COL28A1: variants seen among roughly 807,000 people sequenced by gnomAD.
COL28A1 encodes collagen alpha-1(XXVIII) chain.
A neutral mutation model predicts 150.2 loss-of-function variants in COL28A1; 161 were observed. That is an observed-to-expected ratio of 1.07 (90% CI 0.94 to 1.22). The LOEUF (loss-of-function observed/expected upper bound fraction) is 1.22. Among genes scored for constraint, COL28A1 ranks in the 50% most tolerant of loss-of-function variants. The probability of loss-of-function intolerance (pLI) is 0.00; values close to 1 mark genes in which losing one functional copy is unlikely to be tolerated. For synonymous variants in COL28A1, 552 were observed against 469.7 expected, an observed-to-expected ratio of 1.18 and a Z score of -2.26; for missense variants, 1,617 against 1,388.3, an observed-to-expected ratio of 1.16 and a Z score of -2.62.
At chr7:7,375,934 A>G (rs1394642847) in intron 30 of COL28A1, among the ~76,000 whole-genome samples, 2 of 152,204 alleles carry the variant, frequency 1.3e-5, no homozygotes, top group African/African-American at 2.4e-5. Context: ...ACAAGCCGCA[A>G]TGCCTACAGA....
intron 33 of COL28A1, among the ~76,000 whole-genome samples, chr7:7,361,034 CAAT>C (rs1780625887): frequency 6.6e-6 from 1 of 152,216 alleles, no homozygotes; most frequent in Non-Finnish European, 1.5e-5. Context: ...TAGCAGAAGA[CAAT>C]AATACAGCTG....
chr7:7,492,586 TAA>T (rs869141497), intron 11 of COL28A1, among the ~76,000 whole-genome samples: 1 of 94,692 alleles, frequency 1.1e-5, no homozygotes. Context: ...CTCCGTCTGT[TAA>T]AAAAAAAAAA....
chr7:7,404,486 A>G (rs1783390429), intron 27 of COL28A1, among the ~76,000 whole-genome samples: 1 of 151,768 alleles, frequency 6.6e-6, no homozygotes, highest in Admixed American at 6.6e-5. Context: ...CTGCATCCAC[A>G]CTAGTCTCTT....
chr7:7,524,910 CA>C (rs1454117028), intron 3 of COL28A1, among the ~76,000 whole-genome samples: 2 of 152,118 alleles, frequency 1.3e-5, no homozygotes, highest in East Asian at 3.9e-4. Flanking sequence ...AGAATTTCAA[CA>C]GAAGCCAAAA....
intron 18 of COL28A1, among the ~76,000 whole-genome samples, chr7:7,451,776 CTAT>C (rs1380789768): frequency 1.3e-5 from 2 of 152,050 alleles, no homozygotes; most frequent in African/African-American, 4.8e-5. Context: ...AAAATGGCAG[CTAT>C]TATTACTATA....
At chr7:7,397,665 G>C (rs1164348408) in intron 27 of COL28A1, among the ~76,000 whole-genome samples, 1 of 152,312 alleles carries the variant, frequency 6.6e-6, no homozygotes, top group African/African-American at 2.4e-5. Flanking sequence ...TCTCAGGCGT[G>C]AGCTTCAACT....
At chr7:7,517,931 C>T (rs1433772621) in intron 6 of COL28A1, 94 bp from the exon 7 acceptor site, 7 of 1,532,770 alleles carry the variant, frequency 4.6e-6, no homozygotes, top group Non-Finnish European at 6.3e-6. Context: ...ATAGCTTAGC[C>T]CAATTAGGAA....
intron 33 of COL28A1, 122 bp from the exon 34 acceptor site, chr7:7,360,650 T>G: frequency 1.2e-6 from 1 of 809,932 alleles, no homozygotes; most frequent in Non-Finnish European, 1.9e-6. Context: ...TCTCTGATAC[T>G]AACTATTTCA....
At chr7:7,506,158 T>A (rs1457196029) in intron 10 of COL28A1, 91 bp from the exon 11 acceptor site, 1 of 794,810 alleles carries the variant, frequency 1.3e-6, no homozygotes, top group Admixed American at 1.8e-5. Context: ...ATCCTGGCGA[T>A]CGAAGTTAGA....
chr7:7,341,549 T>G, the COL28A1 span, among the ~76,000 whole-genome samples: 1 of 152,122 alleles, frequency 6.6e-6, no homozygotes, highest in African/African-American at 2.4e-5. Context: ...TAGCCAGGAC[T>G]ACAGGTGTGT....
At chr7:7,487,739 C>G (rs111508391) in intron 13 of COL28A1, among the ~76,000 whole-genome samples, 7 of 152,092 alleles carry the variant, frequency 4.6e-5, no homozygotes, top group Non-Finnish European at 7.4e-5. Flanking sequence ...TCTTCATAAG[C>G]GGGCAAAATC....
At chr7:7,503,063 C>A (rs1400252754) in intron 11 of COL28A1, among the ~76,000 whole-genome samples, 1 of 152,160 alleles carries the variant, frequency 6.6e-6, no homozygotes, top group Admixed American at 6.5e-5. Flanking sequence ...TTGTCCCTAG[C>A]CAGAGTCCAC....
At chr7:7,539,817 C>T (rs990407262), upstream of COL28A1, among the ~76,000 whole-genome samples, 3 of 152,038 alleles carry the variant, frequency 2.0e-5, no homozygotes, top group African/African-American at 7.3e-5. Flanking sequence ...TACAGCAACA[C>T]GGACTCAATT....
At chr7:7,441,965 C>T (rs1240933339) in intron 20 of COL28A1, among the ~76,000 whole-genome samples, 3 of 152,108 alleles carry the variant, frequency 2.0e-5, no homozygotes, top group African/African-American at 7.2e-5. Flanking sequence ...TCAACCACAA[C>T]TCTTTATTTT....
intron 28 of COL28A1, 88 bp downstream of exon 28, chr7:7,381,456 G>A (rs1781866037): frequency 2.3e-6 from 2 of 872,114 alleles, no homozygotes; most frequent in Non-Finnish European, 3.7e-6. Context: ...GGGGAAGAGT[G>A]ACACATATAT....
intron 11 of COL28A1, among the ~76,000 whole-genome samples, chr7:7,494,411 T>C (rs1780092608): frequency 6.6e-6 from 1 of 152,206 alleles, no homozygotes; most frequent in Non-Finnish European, 1.5e-5. Flanking sequence ...TTTGGTCTTG[T>C]AGAACCTTGG....
intron 9 of COL28A1, among the ~76,000 whole-genome samples, chr7:7,510,213 ATATTTGGCCTTTTGAGGAAC>A (rs1026121196): frequency 4.6e-5 from 7 of 152,136 alleles, no homozygotes; most frequent in African/African-American, 1.7e-4. Flanking sequence ...CTCTCTGTAT[ATATTTGGCCTTTTGAGGAAC>A]TCTTTAACAT....
At chr7:7,376,533 G>A (rs1314163300) in intron 30 of COL28A1, among the ~76,000 whole-genome samples, 1 of 152,116 alleles carries the variant, frequency 6.6e-6, no homozygotes, top group Non-Finnish European at 1.5e-5. Flanking sequence ...TCTACAAAAT[G>A]AGAGTCAACA....
At chr7:7,407,029 T>G (rs1400327775) in intron 27 of COL28A1, among the ~76,000 whole-genome samples, 2 of 152,006 alleles carry the variant, frequency 1.3e-5, no homozygotes, top group Non-Finnish European at 2.9e-5. Context: ...AAAATGTAAC[T>G]GAAACTAAAA....
Sources: allele counts gnomAD v4.1 joint callset (sites outside exome capture counted in the v4.1 genomes callset), GRCh38; gene constraint gnomAD v4.1.1; transcripts MANE v1.5; gene names NCBI Gene and HGNC (gene_info 2026-07-23, HGNC 2026-07-21).